Variants in CNTNAP5 observed in about 807,000 individuals in gnomAD.
The protein encoded by CNTNAP5 is contactin associated protein family member 5, also known as contactin-associated protein-like 5.
A neutral mutation model predicts 150.2 loss-of-function variants in CNTNAP5; 72 were observed. The ratio of observed to expected loss-of-function variants is 0.48; its 90% CI spans 0.40 to 0.58. CNTNAP5 has a LOEUF of 0.58. Among genes scored for constraint, CNTNAP5 ranks in the 20% least tolerant of loss-of-function variants. CNTNAP5 has a pLI of 0.00. For missense variants in CNTNAP5, 1,636 were observed against 1,626.2 expected (o/e 1.01, Z -0.10); for synonymous variants, 672 against 619.8 (o/e 1.08, Z -1.25).
intron 5 of CNTNAP5, among the ~76,000 whole-genome samples, chr2:124,445,838 T>A (rs1446738074): frequency 6.6e-6 from 1 of 152,184 alleles, no homozygotes; most frequent in Non-Finnish European, 1.5e-5. Flanking sequence ...AAACGTTAGT[T>A]CTATTTAATT....
chr2:124,712,000 A>G (rs1324499018), intron 13 of CNTNAP5, among the ~76,000 whole-genome samples: 1 of 152,186 alleles, frequency 6.6e-6, no homozygotes, highest in African/African-American at 2.4e-5. Context: ...AATTACATCC[A>G]TTAGCAGAAG....
At chr2:124,643,359 A>C (rs2105022687) in intron 12 of CNTNAP5, among the ~76,000 whole-genome samples, 1 of 152,330 alleles carries the variant, frequency 6.6e-6, no homozygotes, top group South Asian at 2.1e-4. Flanking sequence ...AGCAAAAAGT[A>C]GTATCAGAGG....
intron 13 of CNTNAP5, among the ~76,000 whole-genome samples, chr2:124,715,720 A>G (rs935649143): frequency 1.3e-5 from 2 of 152,160 alleles, no homozygotes; most frequent in African/African-American, 4.8e-5. Flanking sequence ...CTTGCTACAA[A>G]GAAGCCTTGG....
At chr2:124,208,405 C>A (rs1337543952) in intron 1 of CNTNAP5, among the ~76,000 whole-genome samples, 1 of 152,164 alleles carries the variant, frequency 6.6e-6, no homozygotes, top group Non-Finnish European at 1.5e-5. Context: ...ATAATTTATA[C>A]TTACCTCCAT....
chr2:124,319,225 C>T (rs1689041702), intron 3 of CNTNAP5, among the ~76,000 whole-genome samples: 1 of 152,212 alleles, frequency 6.6e-6, no homozygotes, highest in South Asian at 2.1e-4. Flanking sequence ...TATTAATTAA[C>T]ATGCTCATTA....
intron 8 of CNTNAP5, among the ~76,000 whole-genome samples, chr2:124,515,486 A>C (rs1694688963): frequency 6.6e-6 from 1 of 152,050 alleles, no homozygotes; most frequent in Non-Finnish European, 1.5e-5. Flanking sequence ...GTCAAGGAAA[A>C]CCTGCTTCAT....
intron 19 of CNTNAP5, among the ~76,000 whole-genome samples, chr2:124,811,766 C>T (rs1031551393): frequency 6.7e-6 from 1 of 148,728 alleles, no homozygotes; most frequent in African/African-American, 2.5e-5. Context: ...CATGGAAAAA[C>T]CCCATCTGTA....
chr2:124,030,864 T>C (rs1398989721), intron 1 of CNTNAP5, among the ~76,000 whole-genome samples: 1 of 152,120 alleles, frequency 6.6e-6, no homozygotes, highest in East Asian at 1.9e-4. Flanking sequence ...GAAAGGCACA[T>C]GTTGACATGA....
chr2:124,286,021 CTTA>C (rs982264407), intron 3 of CNTNAP5, among the ~76,000 whole-genome samples: 3 of 152,066 alleles, frequency 2.0e-5, no homozygotes, highest in African/African-American at 7.2e-5. Flanking sequence ...TGAGTCAATA[CTTA>C]TTATTTACTG....
intron 19 of CNTNAP5, among the ~76,000 whole-genome samples, chr2:124,858,893 A>T (rs1169635861): frequency 6.6e-6 from 1 of 152,188 alleles, no homozygotes; most frequent in East Asian, 1.9e-4. Flanking sequence ...CTTACACCTT[A>T]CATAAAAATT....
intron 11 of CNTNAP5, among the ~76,000 whole-genome samples, chr2:124,596,987 G>T (rs1236174653): frequency 5.1e-5 from 1 of 19,500 alleles, no homozygotes; most frequent in Non-Finnish European, 1.0e-3. Context: ...TTTTCCATTT[G>T]CTTGGTAGAT....
intron 3 of CNTNAP5, among the ~76,000 whole-genome samples, chr2:124,333,728 C>G (rs1689405515): frequency 6.6e-6 from 1 of 152,006 alleles, no homozygotes; most frequent in East Asian, 1.9e-4. Context: ...CAAGGCAGAG[C>G]CCGGTAACAA....
intron 1 of CNTNAP5, among the ~76,000 whole-genome samples, chr2:124,139,887 C>A (rs1187905436): frequency 1.3e-5 from 2 of 152,170 alleles, no homozygotes. Context: ...CCGGGTTCAT[C>A]GCACTAGGGA....
chr2:124,380,761 G>A (rs1261136032), intron 3 of CNTNAP5, among the ~76,000 whole-genome samples: 5 of 152,176 alleles, frequency 3.3e-5, no homozygotes, highest in Non-Finnish European at 7.4e-5. Flanking sequence ...TGTGTGCTAT[G>A]CGCAAGGCAC....
chr2:124,620,745 G>GCA (rs3039903), intron 12 of CNTNAP5, among the ~76,000 whole-genome samples: 1,290 of 103,650 alleles, frequency 0.012, 5 homozygotes, highest in Middle Eastern at 0.022. Flanking sequence ...ACACACACAT[G>GCA]CACACACACA....
intron 13 of CNTNAP5, among the ~76,000 whole-genome samples, chr2:124,707,761 T>G (rs34958027): frequency 6.6e-6 from 1 of 152,028 alleles, no homozygotes; most frequent in African/African-American, 2.4e-5. Flanking sequence ...CTTCCTTTAT[T>G]TTTCTGGATT....
In CNTNAP5 at chr2:124,713,223, CTTTCTTTCTTTCTTTCTT is replaced by C. The variant is rs1558746501; in HGVS notation, c.2078-34004_2078-33987del. Among the ~76,000 whole-genome samples, 181 of 31,608 alleles carry C rather than the reference CTTTCTTTCTTTCTTTCTT, an allele frequency of 5.7e-3. 4 individuals are homozygous for C. The highest frequency in any genetic ancestry group is 0.014 in the South Asian group (10 of 700). 20.7% of individuals were successfully genotyped at this position (31,608 alleles called of 152,430 possible). On this transcript the variant is annotated intron_variant, in intron 13 of 23. Coordinates refer to ENST00000682447, the MANE Select transcript of CNTNAP5 (RefSeq NM_001367498.1). ...CCTCCCTTCCTTTCTTTCTCTGTTT[CTTTCTTTCTTTCTTTCTT>C]TCTCTTTCTTTCTTTCTTTCTTTCT... is the stretch of plus-strand genomic sequence containing the variant.
chr2:124,525,965 A>G (rs1694957133), intron 9 of CNTNAP5, among the ~76,000 whole-genome samples: 1 of 152,208 alleles, frequency 6.6e-6, no homozygotes, highest in Non-Finnish European at 1.5e-5. Flanking sequence ...ATGATCGTAG[A>G]ACAAGGGTGT....
At chr2:124,053,816 G>T (rs1681774222) in intron 1 of CNTNAP5, among the ~76,000 whole-genome samples, 2 of 152,006 alleles carry the variant, frequency 1.3e-5, no homozygotes, top group Non-Finnish European at 2.9e-5. Context: ...AATCCAGAAG[G>T]CCCATGAAAG....
Sources: allele counts gnomAD v4.1 joint callset (sites outside exome capture counted in the v4.1 genomes callset), GRCh38; gene constraint gnomAD v4.1.1; transcripts MANE v1.5; gene names NCBI Gene and HGNC (gene_info 2026-07-23, HGNC 2026-07-21).